Variants in NCAM2 observed in about 807,000 individuals in gnomAD.
NCAM2 encodes neural cell adhesion molecule 2, also known as N-CAM-2.
Under a neutral mutation model 98.1 loss-of-function variants are expected in NCAM2, and 30 were observed. That is an observed-to-expected ratio of 0.31 (90% CI 0.23 to 0.41). The LOEUF is 0.41. Among genes scored for constraint, NCAM2 ranks in the 10% least tolerant of loss-of-function variants. NCAM2 has a pLI of 1.00. For synonymous variants in NCAM2, 368 were observed against 342.4 expected (o/e 1.07, Z -0.83); for missense variants, 867 against 1,005.8 (o/e 0.86, Z 1.87).
chr21:21,336,922 AATG>A, intron 7 of NCAM2, among the ~76,000 whole-genome samples: 1 of 152,302 alleles, frequency 6.6e-6, no homozygotes, highest in South Asian at 2.1e-4. Context: ...TGATGTTCAG[AATG>A]ATGATCTTCT....
intron 12 of NCAM2, among the ~76,000 whole-genome samples, chr21:21,458,975 T>C (rs1407892054): frequency 1.3e-5 from 2 of 152,168 alleles, no homozygotes; most frequent in South Asian, 2.1e-4. Flanking sequence ...TCCACAAATA[T>C]ATGAAAAATT....
chr21:21,455,546 T>G (rs1278906542), intron 12 of NCAM2, among the ~76,000 whole-genome samples: 1 of 151,874 alleles, frequency 6.6e-6, no homozygotes, highest in Non-Finnish European at 1.5e-5. Context: ...TAATTTAACT[T>G]CTCCAGAAAA....
rs529223789 is a variant in NCAM2, at chr21:21,288,303, G to A, written c.481+1891G>A. 1.5e-3 allele frequency among the ~76,000 whole-genome samples: 222 copies of A among 152,048 alleles called. 2 individuals are homozygous for A. Among genetic ancestry groups the A allele is most frequent in the African/African-American group, 5.1e-3 (213 of 41,520 alleles). ...GGGTCAGCTATACTTCATTTGTTAA[G>A]TGAATGAATAAAATATATGGCTATA... On this transcript the variant is annotated intron_variant, in intron 4 of 17. Transcript: ENST00000400546.
intron 9 of NCAM2, among the ~76,000 whole-genome samples, chr21:21,379,430 G>A (rs527294730): frequency 2.6e-5 from 4 of 151,930 alleles, no homozygotes; most frequent in African/African-American, 4.8e-5. Flanking sequence ...GTGCTTTAAC[G>A]GAACCCCCCA....
intron 1 of NCAM2, among the ~76,000 whole-genome samples, chr21:21,083,332 G>A (rs978344411): frequency 6.6e-6 from 1 of 151,910 alleles, no homozygotes; most frequent in Non-Finnish European, 1.5e-5. Flanking sequence ...TAACAGGGGA[G>A]AAAACTGAAG....
intron 1 of NCAM2, among the ~76,000 whole-genome samples, chr21:21,084,814 G>A (rs1371384023): frequency 2.0e-4 from 30 of 152,152 alleles, no homozygotes. Flanking sequence ...TTGTTTATAT[G>A]GATGAATATA....
intron 1 of NCAM2, among the ~76,000 whole-genome samples, chr21:21,029,879 C>G (rs903915097): frequency 2.0e-5 from 3 of 152,106 alleles, no homozygotes; most frequent in African/African-American, 7.2e-5. Context: ...ATTCGCCCGC[C>G]TGAGCCTCCC....
At chr21:21,167,679 A>G (rs2067995548) in intron 1 of NCAM2, among the ~76,000 whole-genome samples, 1 of 152,168 alleles carries the variant, frequency 6.6e-6, no homozygotes, top group Non-Finnish European at 1.5e-5. Flanking sequence ...ATCATAAAGG[A>G]ATATTGTAAA....
At chr21:21,113,746 G>A (rs568232899) in intron 1 of NCAM2, among the ~76,000 whole-genome samples, 173 of 152,210 alleles carry the variant, frequency 1.1e-3, no homozygotes, top group African/African-American at 3.9e-3. Context: ...GAACTATTTT[G>A]TATTGTAAAT....
At chr21:21,029,584 A>G (rs1350014276) in intron 1 of NCAM2, among the ~76,000 whole-genome samples, 1 of 152,120 alleles carries the variant, frequency 6.6e-6, no homozygotes, top group Non-Finnish European at 1.5e-5. Flanking sequence ...TTATCTTCAT[A>G]AACTTAACCT....
chr21:21,184,975 G>A (rs1031917144), intron 1 of NCAM2, among the ~76,000 whole-genome samples: 2 of 152,166 alleles, frequency 1.3e-5, no homozygotes, highest in Non-Finnish European at 2.9e-5. Context: ...AGGTGATAGG[G>A]GAGTCAGCAC....
chr21:21,520,216 A>G (rs1276721360), intron 16 of NCAM2, among the ~76,000 whole-genome samples: 1 of 152,190 alleles, frequency 6.6e-6, no homozygotes, highest in Non-Finnish European at 1.5e-5. Flanking sequence ...AACTTGTGAA[A>G]AAGCAGACTC....
chr21:21,031,879 T>TA (rs957947962), intron 1 of NCAM2, among the ~76,000 whole-genome samples: 23 of 152,160 alleles, frequency 1.5e-4, no homozygotes, highest in Non-Finnish European at 2.8e-4. Flanking sequence ...AAGTAAAAGT[T>TA]AAATGTTTTA....
At chr21:21,116,188 G>A (rs919664091) in intron 1 of NCAM2, among the ~76,000 whole-genome samples, 5 of 152,006 alleles carry the variant, frequency 3.3e-5, no homozygotes, top group Non-Finnish European at 5.9e-5. Flanking sequence ...TGCTCCCAGC[G>A]GACATGTGCT....
chr21:21,424,299 A>T (rs1463861400), intron 11 of NCAM2, among the ~76,000 whole-genome samples: 1 of 152,212 alleles, frequency 6.6e-6, no homozygotes, highest in African/African-American at 2.4e-5. Flanking sequence ...CATTCACTCA[A>T]AAAATATAAT....
chr21:21,234,238 G>A lies in NCAM2; in HGVS notation c.56-46340G>A, dbSNP rs752803517. 4.6e-5 allele frequency among the ~76,000 whole-genome samples: 7 copies of A among 151,730 alleles called. No homozygotes were observed. The South Asian group carries it at 6.2e-4, about 14-fold the overall frequency. ...AGCACCTTGCCCTGGAAGTACTCTAGTTAATGCAGGAGTAAAATAGGAACC... is the reference window on the plus strand; with the variant it reads ...AGCACCTTGCCCTGGAAGTACTCTAATTAATGCAGGAGTAAAATAGGAACC... On this transcript the variant is annotated intron_variant, in intron 1 of 17. Coordinates refer to ENST00000400546, the MANE Select transcript of NCAM2 (RefSeq NM_004540.5).
chr21:21,451,653 G>A (rs1981087692), intron 12 of NCAM2, among the ~76,000 whole-genome samples: 1 of 152,060 alleles, frequency 6.6e-6, no homozygotes, highest in Admixed American at 6.6e-5. Flanking sequence ...CTTCTACTGG[G>A]TTATCTAACA....
intron 9 of NCAM2, among the ~76,000 whole-genome samples, chr21:21,375,699 T>A (rs1177954418): frequency 2.0e-5 from 3 of 151,758 alleles, no homozygotes; most frequent in Non-Finnish European, 2.9e-5. Flanking sequence ...TAAACCAAAA[T>A]TTACTTTATG....
chr21:21,107,036 A>T (rs894267297), intron 1 of NCAM2, among the ~76,000 whole-genome samples: 3 of 152,154 alleles, frequency 2.0e-5, no homozygotes, highest in African/African-American at 7.2e-5. Context: ...CAAAGATCAA[A>T]TCTAAAATCA....
Sources: gnomAD v4.1 joint callset for allele counts (sites outside exome capture counted in the v4.1 genomes callset) on GRCh38, gnomAD v4.1.1 for gene constraint, MANE v1.5 for transcripts, NCBI Gene and HGNC (gene_info 2026-07-23, HGNC 2026-07-21) for gene names.